IRF5: variants seen among roughly 807,000 people sequenced by gnomAD.
IRF5 encodes the protein interferon regulatory factor 5.
A neutral mutation model predicts 55.1 loss-of-function variants in IRF5; 24 were observed. The observed-to-expected ratio is 0.44, with a 90% CI of 0.32 to 0.61. IRF5 has a LOEUF of 0.61. Ranked by LOEUF, IRF5 falls within the 20% of genes least tolerant of loss-of-function variation. The pLI is 0.07. For synonymous variants in IRF5, 258 were observed against 260.2 expected, an observed-to-expected ratio of 0.99 and a Z score of 0.08; for missense variants, 499 against 658.5, an observed-to-expected ratio of 0.76 and a Z score of 2.65.
Position 128,948,515 on chromosome 7 carries a change from G to A in IRF5, c.1300-58G>A, listed in dbSNP as rs1462318451. On this transcript the variant is annotated intron_variant, in intron 8 of 8. Transcript: ENST00000357234. This position sits in a 1 kb window ranked among gnomAD's most constrained non-coding sequence, Gnocchi z 4.6. Reference sequence around the variant, plus strand: ...CCCCTGATGGCTGTCCTCATGCACAGCTGGATCTGGCAGCCCTGCCACAGG... The same window carrying A: ...CCCCTGATGGCTGTCCTCATGCACAACTGGATCTGGCAGCCCTGCCACAGG... The A allele has an allele frequency of 6.2e-7, 1 of 1,602,720 alleles. No individual in the cohort carries two copies. Among genetic ancestry groups the A allele is most frequent in the Non-Finnish European group, 8.5e-7 (1 of 1,176,504 alleles).
intron 1 of IRF5, among the ~76,000 whole-genome samples, chr7:128,939,156 T>C (rs915379791): frequency 2.0e-5 from 3 of 151,968 alleles, no homozygotes; most frequent in Admixed American, 1.3e-4. Context: ...TGTATCGATG[T>C]AGGAAACTGT....
intron 1 of IRF5, among the ~76,000 whole-genome samples, chr7:128,939,110 A>T (rs1003489946): frequency 1.3e-5 from 2 of 151,776 alleles, no homozygotes; most frequent in Admixed American, 6.6e-5. Flanking sequence ...AGGGCCCAGA[A>T]TGGGGATAAG....
rs766524164 is a variant in IRF5 at position 128,946,110 on chromosome 7, G to A, written c.385+76G>A. On this transcript the variant is annotated intron_variant, in intron 3 of 8. Coordinates refer to ENST00000357234, the MANE Select transcript of IRF5 (RefSeq NM_001098629.3). The surrounding 1 kb of genome is among the most constrained non-coding windows in gnomAD (Gnocchi z 4.2). ...GGCCCCCAGCCATGAGCTCTTGGGT[G>A]CAGGCAGGCCAAGGGCCCCTCTAGC... 5.0e-6 allele frequency: 7 copies of A among 1,393,722 alleles called. No individual in the cohort carries two copies. Among genetic ancestry groups the A allele is most frequent in the South Asian group, 1.4e-5 (1 of 69,424 alleles). The allele number at this position is 1,393,722 out of a possible 1,614,324, so 86.3% of individuals were successfully genotyped here.
In IRF5 at chr7:128,947,799, T is replaced by A. The variant is rs1405306619; in HGVS notation, c.858T>A (p.His286Gln). 1 of 1,613,592 alleles carries A rather than the reference T, an allele frequency of 6.2e-7. No individual in the cohort carries two copies. The highest frequency in any genetic ancestry group is 8.5e-7 in the Non-Finnish European group (1 of 1,179,838). The change falls in exon 7 of 9, where the codon CAT becomes CAA. Residue 286 changes from histidine to glutamine, a missense_variant. Around this residue, in one of 2 missense-constraint regions of IRF5, gnomAD observed 194 missense variants for 318.3 expected, o/e 0.61. Coordinates refer to ENST00000357234, the MANE Select transcript of IRF5 (RefSeq NM_001098629.3). This position sits in a 1 kb window ranked among gnomAD's most constrained non-coding sequence, Gnocchi z 6.5. ...PPRALTISNP[H>Q]GCRLFYSQLE... ...GGGCCCTCACCATCAGCAACCCCCA[T>A]GGCTGCCGGCTCTTCTACAGCCAGC...
intron 2 of IRF5, 86 bp downstream of exon 2, chr7:128,942,362 T>G: frequency 7.8e-7 from 1 of 1,289,480 alleles, no homozygotes; most frequent in Non-Finnish European, 1.1e-6. Context: ...AGGCAGCTCC[T>G]CGAGGCTGGC....
chr7:128,943,707 A>ATTTTTT (rs61451031), intron 2 of IRF5, among the ~76,000 whole-genome samples: 91 of 71,920 alleles, frequency 1.3e-3, no homozygotes, highest in African/African-American at 2.8e-3. Context: ...TGCCCGGCTA[A>ATTTTTT]TTTTTTTTTT....
chr7:128,946,412 T>A lies in IRF5; in HGVS notation c.386-89T>A. ...AGCTTTGGGGAAGGCAGAAGCTGCA[T>A]AGGAGCTACAGGCAGCCTCTCAGGG... On this transcript the variant is annotated intron_variant, in intron 3 of 8. Transcript: ENST00000357234. This position sits in a 1 kb window ranked among gnomAD's most constrained non-coding sequence, Gnocchi z 4.2. 1 of 1,486,178 alleles carries A rather than the reference T, an allele frequency of 6.7e-7. No homozygotes were observed. Among genetic ancestry groups the A allele is most frequent in the Non-Finnish European group, 9.1e-7 (1 of 1,093,200 alleles). The allele number at this position is 1,486,178 out of a possible 1,614,324, so 92.1% of individuals were successfully genotyped here.
At position 128,948,860 on chromosome 7, in the gene IRF5, G is replaced by A. The variant is rs771599215; in HGVS notation, c.*42G>A. Reference sequence around the variant, plus strand: ...GACTGGCCCTGGCTTCCTGGGTGGCGGTGCGGACTGATGTGGAGATGTGAC... The same window carrying A: ...GACTGGCCCTGGCTTCCTGGGTGGCAGTGCGGACTGATGTGGAGATGTGAC... On this transcript the variant is annotated 3_prime_UTR_variant, in exon 9 of 9. Coordinates refer to ENST00000357234, the MANE Select transcript of IRF5 (RefSeq NM_001098629.3). This position sits in a 1 kb window ranked among gnomAD's most constrained non-coding sequence, Gnocchi z 4.6. 57 of 1,582,918 alleles carry A rather than the reference G, an allele frequency of 3.6e-5. No homozygotes were observed. Among genetic ancestry groups the A allele is most frequent in the Non-Finnish European group, 4.7e-5 (55 of 1,171,150 alleles).
Position 128,949,055 on chromosome 7 carries a change from A to G in IRF5, c.*237A>G. ...CTGGCTCTCGGGAAATTCAGCCATG[A>G]GCAGGGAAAGAACTCTCCCAACCCT... On this transcript the variant is annotated 3_prime_UTR_variant, in exon 9 of 9. Transcript: ENST00000357234. 1 of 553,928 alleles carries G rather than the reference A, an allele frequency of 1.8e-6. No homozygotes were observed. Among genetic ancestry groups the G allele is most frequent in the East Asian group, 3.1e-5 (1 of 32,774 alleles). The allele number at this position is 553,928 out of a possible 1,614,324, so 34.3% of individuals were successfully genotyped here. A position where few individuals can be genotyped will look rare whatever the true frequency, so the allele number is the denominator to read the frequency against.
Position 128,945,939 on chromosome 7 carries a change from G to A in IRF5, c.290G>A (p.Ser97Asn), listed in dbSNP as rs1299095250. ...KANLRCALNK[S>N]RDFRLIYDGP... ...AACCTGCGCTGTGCCCTTAACAAGA[G>A]CCGGGACTTCCGCCTCATCTACGAC... is the stretch of plus-strand genomic sequence containing the variant. The change falls in exon 3 of 9, where the codon AGC (serine) becomes AAC (asparagine). Residue 97 changes from serine to asparagine, a missense_variant. By Grantham distance (46) the Ser-to-Asn change is conservative. Transcript: ENST00000357234. 1 of 1,613,496 alleles carries A rather than the reference G, an allele frequency of 6.2e-7. No homozygotes were observed. The highest frequency in any genetic ancestry group is 1.3e-5 in the African/African-American group (1 of 74,868).
At position 128,942,061 on chromosome 7, in the gene IRF5, T is replaced by C; in HGVS notation, c.-11-10T>C. On this transcript the variant is annotated splice_polypyrimidine_tract_variant and intron_variant, in intron 1 of 8. Coordinates refer to ENST00000357234, the MANE Select transcript of IRF5 (RefSeq NM_001098629.3). ...ACCTGCTGAGGCTCCCCTCTGGCTT[T>C]CTCCTGCAGACCCCTCTGCCATGAA... The C allele has an allele frequency of 1.3e-6, 2 of 1,581,716 alleles. No individual in the cohort carries two copies. Among genetic ancestry groups the C allele is most frequent in the Non-Finnish European group, 1.7e-6 (2 of 1,162,852 alleles).
At position 128,947,656 on chromosome 7, in the gene IRF5, G is replaced by T; in HGVS notation, c.788-73G>T. On this transcript the variant is annotated intron_variant, in intron 6 of 8. Transcript: ENST00000357234. The surrounding 1 kb of genome is among the most constrained non-coding windows in gnomAD (Gnocchi z 6.5). ...AAAGTGGGAGGGCGGATGGGGCTGGGCCTGGCCACTGGGCTGCAGAATGGG... is the reference window on the plus strand; with the variant it reads ...AAAGTGGGAGGGCGGATGGGGCTGGTCCTGGCCACTGGGCTGCAGAATGGG... 6.6e-7 allele frequency: 1 copy of T among 1,516,614 alleles called. No individual in the cohort carries two copies. Among genetic ancestry groups the T allele is most frequent in the Non-Finnish European group, 8.8e-7 (1 of 1,137,308 alleles). 93.9% of individuals were successfully genotyped at this position (1,516,614 alleles called of 1,614,324 possible).
At position 128,945,849 on chromosome 7, in the gene IRF5, G is replaced by T; in HGVS notation, c.200G>T (p.Trp67Leu). 1 of 1,609,326 alleles carries T rather than the reference G, an allele frequency of 6.2e-7. No individual in the cohort carries two copies. Among genetic ancestry groups the T allele is most frequent in the Admixed American group, 1.7e-5 (1 of 58,374 alleles). Residue 67 changes from tryptophan to leucine, a missense_variant, in exon 3 of 9, where the codon TGG becomes TTG. Around this residue, in one of 2 missense-constraint regions of IRF5, gnomAD observed 305 missense variants for 340.2 expected, o/e 0.90. Coordinates refer to ENST00000357234, the MANE Select transcript of IRF5 (RefSeq NM_001098629.3). ...GGCTATTTCTTCCTGCCCCAGGCCT[G>T]GGCCAAGGAGACAGGGAAATACACC... ...QDGDNTIFKA[W>L]AKETGKYTEG...
In IRF5 at chr7:128,947,940, G is replaced by T; in HGVS notation, c.999G>T (p.Leu333=). The change falls in exon 7 of 9, where the codon CTG becomes CTT. Residue 333 remains leucine (L), a synonymous_variant. Transcript: ENST00000357234. This position sits in a 1 kb window ranked among gnomAD's most constrained non-coding sequence, Gnocchi z 6.5. ...AGCAGCGCTTCTACACGAACCAGCT[G>T]CTGGATGTCCTGGACCGCGGGCTCA... ...SDKQRFYTNQ[L]LDVLDRGLIL... is the part of the protein sequence containing the mutation. 6.2e-7 allele frequency: 1 copy of T among 1,614,170 alleles called. No individual in the cohort carries two copies. The highest frequency in any genetic ancestry group is 8.5e-7 in the Non-Finnish European group (1 of 1,180,032).
In IRF5 at chr7:128,948,398, C is replaced by A; in HGVS notation, c.1299+70C>A. 6.7e-7 allele frequency: 1 copy of A among 1,485,066 alleles called. No homozygotes were observed. Among genetic ancestry groups the A allele is most frequent in the Non-Finnish European group, 9.1e-7 (1 of 1,096,494 alleles). 92.0% of individuals were successfully genotyped at this position (1,485,066 alleles called of 1,614,324 possible). ...GGAATCCTGGGGCTAGGCCCTTGCCCCAGGCTGGAGGCTCAGGGCTCCCTG... is the reference window on the plus strand; with the variant it reads ...GGAATCCTGGGGCTAGGCCCTTGCCACAGGCTGGAGGCTCAGGGCTCCCTG... On this transcript the variant is annotated intron_variant, in intron 8 of 8. Transcript: ENST00000357234. The surrounding 1 kb of genome is among the most constrained non-coding windows in gnomAD (Gnocchi z 4.6).
At chr7:128,943,210 A>G in intron 2 of IRF5, 1 of 206,220 alleles carries the variant, frequency 4.8e-6, no homozygotes, top group South Asian at 4.7e-5. Flanking sequence ...AATTTTTTGT[A>G]CTTTTAGTAG....
At chr7:128,941,871 C>T (rs980250012) in intron 1 of IRF5, among the ~76,000 whole-genome samples, 200 bp from the exon 2 acceptor site, 1 of 152,214 alleles carries the variant, frequency 6.6e-6, no homozygotes, top group South Asian at 2.1e-4. Flanking sequence ...TTCACTAACT[C>T]GTAACTCTCC....
At position 128,947,290 on chromosome 7, in the gene IRF5, GGCCGCCCACTCTGCAGCC is replaced by G; in HGVS notation, c.546_563del (p.Pro183_Pro188del). The G allele has an allele frequency of 2.5e-6, 4 of 1,608,264 alleles. No individual in the cohort carries two copies. Among genetic ancestry groups the G allele is most frequent in the Non-Finnish European group, 3.4e-6 (4 of 1,178,036 alleles). On this transcript the variant is annotated inframe_deletion, in exon 6 of 9. Transcript: ENST00000357234. This position sits in a 1 kb window ranked among gnomAD's most constrained non-coding sequence, Gnocchi z 6.5. ...TCTTTACTCAAAGAGGATGTCAAGT[GGCCGCCCACTCTGCAGCC>G]GCCCACTCTGCGGCCGCCTACTCTG...
chr7:128,945,541 C>T (rs1439196883), intron 2 of IRF5, among the ~76,000 whole-genome samples: 2 of 152,308 alleles, frequency 1.3e-5, no homozygotes, highest in South Asian at 4.1e-4. Context: ...CAGCCTGGCT[C>T]CAGGGTGCTC....
Sources: allele counts gnomAD v4.1 joint callset (sites outside exome capture counted in the v4.1 genomes callset), GRCh38; gene constraint gnomAD v4.1.1; regional missense constraint gnomAD v4.1.1; non-coding constraint Gnocchi (gnomAD v3.1); transcripts MANE v1.5; gene names NCBI Gene and HGNC (gene_info 2026-07-23, HGNC 2026-07-21).